ABCA1: variants seen among roughly 807,000 people sequenced by gnomAD.
ABCA1 encodes the protein phospholipid-transporting ATPase ABCA1.
A neutral mutation model predicts 262.5 loss-of-function variants in ABCA1; 133 were observed. The observed-to-expected ratio is 0.51, with a 90% confidence interval of 0.44 to 0.59. ABCA1 has a LOEUF of 0.59. Among genes scored for constraint, ABCA1 ranks in the 20% least tolerant of loss-of-function variants. The pLI is 0.00. For missense variants in ABCA1, 2,452 were observed against 2,777.5 expected, an observed-to-expected ratio of 0.88 and a Z score of 2.63; for synonymous variants, 1,022 against 1,043.5, an observed-to-expected ratio of 0.98 and a Z score of 0.40.
intron 46 of ABCA1, 117 bp from the exon 47 acceptor site, chr9:104,787,093 T>G: frequency 1.3e-6 from 1 of 791,466 alleles, no homozygotes; most frequent in South Asian, 2.0e-5. Flanking sequence ...GCCATTCTAG[T>G]TATTTCTTGA....
intron 5 of ABCA1, 53 bp downstream of exon 5, chr9:104,882,986 T>C: frequency 6.9e-6 from 10 of 1,449,308 alleles, no homozygotes; most frequent in Middle Eastern, 1.7e-4. Flanking sequence ...TCTCTTTCCC[T>C]GGTGCAGGTC....
chr9:104,853,998 G>A (rs564170383), intron 7 of ABCA1, among the ~76,000 whole-genome samples: 2 of 152,162 alleles, frequency 1.3e-5, no homozygotes, highest in Admixed American at 1.3e-4. Flanking sequence ...AGATTATCCT[G>A]GATTATGTGA....
intron 2 of ABCA1, among the ~76,000 whole-genome samples, chr9:104,899,867 T>G (rs1465915763): frequency 1.3e-5 from 2 of 152,190 alleles, no homozygotes; most frequent in Non-Finnish European, 2.9e-5. Context: ...ATGAGGATCG[T>G]GAAAGCTCTG....
chr9:104,903,696 C>G lies in ABCA1; in HGVS notation c.-17G>C. The G allele has an allele frequency of 1.3e-6, 2 of 1,573,038 alleles. No individual in the cohort carries two copies. The highest frequency in any genetic ancestry group is 1.7e-6 in the Non-Finnish European group (2 of 1,158,522). ...ACAAGCCATGTTCCCTCAGCCAGCA[C>G]CCCCAGCGTGTGGCTCGGGAGCCCT... On this transcript the variant is annotated 5_prime_UTR_variant, in exon 2 of 50. Coordinates refer to ENST00000374736, the MANE Select transcript of ABCA1 (RefSeq NM_005502.4).
At chr9:104,804,599 C>A in intron 32 of ABCA1, 27 bp downstream of exon 32, 3 of 1,579,372 alleles carry the variant, frequency 1.9e-6, no homozygotes, top group Non-Finnish European at 2.6e-6. Flanking sequence ...AATAATACGG[C>A]AGGGGCCAAG....
chr9:104,846,868 C>CA (rs1834943524), intron 7 of ABCA1, among the ~76,000 whole-genome samples: 1 of 152,130 alleles, frequency 6.6e-6, no homozygotes, highest in African/African-American at 2.4e-5. Flanking sequence ...GAGAGTAATT[C>CA]ATGAGCAAAA....
intron 16 of ABCA1, among the ~76,000 whole-genome samples, chr9:104,826,291 A>G (rs3780543): frequency 0.24 from 35,927 of 152,052 alleles, 6,226 homozygotes; most frequent in East Asian, 0.69. Context: ...GATGCCTATG[A>G]AGCCCAGACT....
chr9:104,862,631 TGCCGGGCCGG>T lies in ABCA1; in HGVS notation c.422-841_422-832del, dbSNP rs1171336047. Among the ~76,000 whole-genome samples the T allele has an allele frequency of 4.8e-4, 11 of 22,952 alleles. 4 individuals are homozygous for T. The highest frequency in any genetic ancestry group is 1.0e-3 in the Admixed American group (2 of 1,916). 15.1% of individuals were successfully genotyped at this position (22,952 alleles called of 152,430 possible). Reference sequence around the variant, plus strand: ...CTGGAGAGCTTGTTAAAATGCAGACTGCCGGGCCGGGCCGGGCCGGGCCGGGCCGGGCCGG... The same window carrying T: ...CTGGAGAGCTTGTTAAAATGCAGACTGCCGGGCCGGGCCGGGCCGGGCCGG... On this transcript the variant is annotated intron_variant, in intron 5 of 49. Transcript: ENST00000374736.
At chr9:104,818,376 G>A (rs3818688) in intron 23 of ABCA1, among the ~76,000 whole-genome samples, 9,300 of 152,184 alleles carry the variant, frequency 0.061, 504 homozygotes, top group East Asian at 0.31. Context: ...CTTACCTCTT[G>A]ACAAGTCTCT....
At chr9:104,855,191 C>G (rs886538056) in intron 7 of ABCA1, 8 of 983,944 alleles carry the variant, frequency 8.1e-6, no homozygotes, top group Non-Finnish European at 9.7e-6. Context: ...CAGAAGAAAA[C>G]TTCTATCTTT....
chr9:104,856,991 G>A (rs561794899), intron 7 of ABCA1, among the ~76,000 whole-genome samples: 2 of 152,092 alleles, frequency 1.3e-5, no homozygotes, highest in African/African-American at 4.8e-5. Context: ...TCCCTGTAGA[G>A]AAATATACCT....
intron 30 of ABCA1, among the ~76,000 whole-genome samples, chr9:104,808,320 A>G (rs1375277268): frequency 6.6e-6 from 1 of 152,160 alleles, no homozygotes; most frequent in Non-Finnish European, 1.5e-5. Flanking sequence ...TTCCTAAGCT[A>G]GCATCAATCC....
At chr9:104,920,718 G>A (rs1564304514) in intron 1 of ABCA1, among the ~76,000 whole-genome samples, 1 of 152,124 alleles carries the variant, frequency 6.6e-6, no homozygotes, top group Non-Finnish European at 1.5e-5. Context: ...CACCATGCTG[G>A]TCAGGCTGGT....
chr9:104,873,149 T>G (rs1326648857), intron 5 of ABCA1, among the ~76,000 whole-genome samples: 1 of 152,164 alleles, frequency 6.6e-6, no homozygotes, highest in Non-Finnish European at 1.5e-5. Context: ...AGGCCTCAAA[T>G]CAAAACTTTT....
intron 7 of ABCA1, 96 bp downstream of exon 7, chr9:104,858,426 A>C: frequency 7.6e-7 from 1 of 1,307,726 alleles, no homozygotes; most frequent in South Asian, 1.2e-5. Context: ...AGCCAGCCGT[A>C]CTTTTCTACA....
In ABCA1 at chr9:104,877,420, A is replaced by T. The variant is rs180752224; in HGVS notation, c.421+5619T>A. On this transcript the variant is annotated intron_variant, in intron 5 of 49. Transcript: ENST00000374736. ...GCGCCCACCTTGCCCTCAAGGGGCT[A>T]TAGTCTAGCAGACAGCCCACATCCT... Among the ~76,000 whole-genome samples, 27 of 152,380 alleles carry T rather than the reference A, an allele frequency of 1.8e-4. No individual in the cohort carries two copies. In the East Asian group the frequency reaches 4.6e-3, roughly 26 times the overall value.
rs1831840580 is a variant in ABCA1, at chr9:104,817,067, C to A, written c.3535+265G>T. ...TCATCCCTGGTATTCAGTGTCCACT[C>A]CCCTAAGGGATTCCCCAAACCCCAA... On this transcript the variant is annotated intron_variant, in intron 24 of 49. Transcript: ENST00000374736. This position sits in a 1 kb window ranked among gnomAD's most constrained non-coding sequence, Gnocchi z 4.7. Among the ~76,000 whole-genome samples the A allele has an allele frequency of 6.6e-6, 1 of 152,152 alleles. No homozygotes were observed. Among genetic ancestry groups the A allele is most frequent in the Non-Finnish European group, 1.5e-5 (1 of 68,032 alleles).
At chr9:104,852,226 A>G (rs1463600237) in intron 7 of ABCA1, among the ~76,000 whole-genome samples, 1 of 152,250 alleles carries the variant, frequency 6.6e-6, no homozygotes, top group Non-Finnish European at 1.5e-5. Context: ...AAAACAAGTA[A>G]ACCACAAATC....
At chr9:104,883,786 C>G (rs972117848) in intron 4 of ABCA1, among the ~76,000 whole-genome samples, 1 of 152,206 alleles carries the variant, frequency 6.6e-6, no homozygotes, top group Non-Finnish European at 1.5e-5. Flanking sequence ...GTCCTTACTC[C>G]GTCCTAACTC....
Sources: gnomAD v4.1 joint callset for allele counts (sites outside exome capture counted in the v4.1 genomes callset) on GRCh38, gnomAD v4.1.1 for gene constraint, Gnocchi (gnomAD v3.1) non-coding constraint, MANE v1.5 for transcripts, NCBI Gene and HGNC (gene_info 2026-07-23, HGNC 2026-07-21) for gene names.